Variants in KIAA1217 observed in about 807,000 individuals in gnomAD.
KIAA1217 encodes KIAA1217.
A neutral mutation model predicts 163.9 loss-of-function variants in KIAA1217; 88 were observed. The ratio of observed to expected loss-of-function variants is 0.54; its 90% CI spans 0.45 to 0.64. The LOEUF (loss-of-function observed/expected upper bound fraction) is 0.64, where lower values mean the gene tolerates loss of function less well. Among genes scored for constraint, KIAA1217 ranks in the 30% least tolerant of loss-of-function variants. The probability of loss-of-function intolerance (pLI) is 0.00; values close to 1 mark genes in which losing one functional copy is unlikely to be tolerated. For missense variants in KIAA1217, 2,372 were observed against 2,475.0 expected, an observed-to-expected ratio of 0.96 and a Z score of 0.88; for synonymous variants, 903 against 923.1, an observed-to-expected ratio of 0.98 and a Z score of 0.39.
At chr10:24,321,094 G>A (rs1389942930) in intron 2 of KIAA1217, among the ~76,000 whole-genome samples, 2 of 151,620 alleles carry the variant, frequency 1.3e-5, no homozygotes. Flanking sequence ...CAGCTGCCAT[G>A]GAAAACAGTG....
intron 9 of KIAA1217, 72 bp downstream of exon 9, chr10:24,501,617 C>A (rs2067596605): frequency 1.4e-6 from 2 of 1,395,068 alleles, no homozygotes; most frequent in South Asian, 1.3e-5. Context: ...CCTAGGGGCT[C>A]CGTGAAGACC....
intron 2 of KIAA1217, among the ~76,000 whole-genome samples, chr10:24,364,707 A>G (rs1338717251): frequency 2.0e-5 from 3 of 152,114 alleles, no homozygotes; most frequent in Non-Finnish European, 4.4e-5. Flanking sequence ...GGTTTGCTCC[A>G]CAGTTCGGAG....
intron 1 of KIAA1217, among the ~76,000 whole-genome samples, chr10:23,857,277 A>G (rs1359606588): frequency 6.6e-6 from 1 of 152,170 alleles, no homozygotes. Flanking sequence ...TATTCCTCAG[A>G]CTATGAGGGA....
intron 2 of KIAA1217, among the ~76,000 whole-genome samples, chr10:24,091,568 G>T (rs962095794): frequency 3.3e-5 from 5 of 151,840 alleles, no homozygotes; most frequent in African/African-American, 9.7e-5. Context: ...TGAGCATGCT[G>T]CTTGTCCCCA....
chr10:24,052,719 G>C (rs1416297130), intron 2 of KIAA1217, among the ~76,000 whole-genome samples: 1 of 152,106 alleles, frequency 6.6e-6, no homozygotes, highest in Non-Finnish European at 1.5e-5. Context: ...ATAGATGAAA[G>C]AGTATGTGAT....
chr10:23,794,988 G>A (rs1836130637), intron 1 of KIAA1217, among the ~76,000 whole-genome samples: 1 of 152,180 alleles, frequency 6.6e-6, no homozygotes, highest in East Asian at 1.9e-4. Flanking sequence ...GGAGAGCTGG[G>A]AAGCCCCAGG....
chr10:24,443,040 A>G (rs2060629946), intron 5 of KIAA1217, among the ~76,000 whole-genome samples: 1 of 151,530 alleles, frequency 6.6e-6, no homozygotes, highest in East Asian at 1.9e-4. Flanking sequence ...CCTACTGAGT[A>G]GCTGGGATTA....
At chr10:23,975,838 A>G (rs910828020) in intron 1 of KIAA1217, among the ~76,000 whole-genome samples, 1 of 152,088 alleles carries the variant, frequency 6.6e-6, no homozygotes, top group Non-Finnish European at 1.5e-5. Flanking sequence ...GACATGAATT[A>G]TTTATCTAGA....
At chr10:23,891,077 A>T (rs1841397496) in intron 1 of KIAA1217, among the ~76,000 whole-genome samples, 1 of 151,958 alleles carries the variant, frequency 6.6e-6, no homozygotes, top group African/African-American at 2.4e-5. Context: ...GACTGTTCAC[A>T]TGAAAAGCTT....
At chr10:24,352,457 T>C (rs2048570177) in intron 2 of KIAA1217, among the ~76,000 whole-genome samples, 1 of 152,242 alleles carries the variant, frequency 6.6e-6, no homozygotes, top group Non-Finnish European at 1.5e-5. Context: ...CTGCCTATTA[T>C]AGATTATGGT....
At chr10:23,875,606 C>A (rs1840652372) in intron 1 of KIAA1217, among the ~76,000 whole-genome samples, 1 of 151,930 alleles carries the variant, frequency 6.6e-6, no homozygotes, top group Non-Finnish European at 1.5e-5. Flanking sequence ...GGGGATATAC[C>A]CAAATGATTA....
intron 2 of KIAA1217, among the ~76,000 whole-genome samples, chr10:24,152,419 G>A (rs181261421): frequency 1.8e-4 from 27 of 152,088 alleles, no homozygotes; most frequent in African/African-American, 4.3e-4. Context: ...AAACCTTTCC[G>A]TGTGAATCAG....
chr10:24,260,875 T>C (rs1448355224), intron 2 of KIAA1217, among the ~76,000 whole-genome samples: 2 of 152,200 alleles, frequency 1.3e-5, no homozygotes, highest in Non-Finnish European at 1.5e-5. Flanking sequence ...TTATCTTGTT[T>C]CCCCTGTTCT....
chr10:24,317,575 A>G (rs1167105943), intron 2 of KIAA1217, among the ~76,000 whole-genome samples: 2 of 152,176 alleles, frequency 1.3e-5, no homozygotes, highest in Admixed American at 1.3e-4. Context: ...AAGATCTAAG[A>G]AATGTAGTGT....
intron 1 of KIAA1217, among the ~76,000 whole-genome samples, chr10:23,822,485 T>A (rs1837667485): frequency 6.6e-6 from 1 of 152,156 alleles, no homozygotes; most frequent in Admixed American, 6.5e-5. Flanking sequence ...ATTTGCAAAA[T>A]TGATATTTGT....
intron 2 of KIAA1217, among the ~76,000 whole-genome samples, chr10:24,293,880 G>A (rs1446381187): frequency 6.6e-6 from 1 of 152,162 alleles, no homozygotes; most frequent in East Asian, 1.9e-4. Flanking sequence ...CTGGCATGAA[G>A]GTCTCCGACC....
Position 24,547,808 on chromosome 10 carries a change from C to T in KIAA1217, c.*1484C>T, listed in dbSNP as rs372571234. On this transcript the variant is annotated 3_prime_UTR_variant, in exon 21 of 21. Coordinates refer to ENST00000376454, the MANE Select transcript of KIAA1217 (RefSeq NM_019590.5). The stretch of plus-strand genomic sequence containing the variant: ...ATTTTCTCTCTTTTTAAAAAACTTC[C>T]AGTAGAAGTAAAGTGGAAATAAAAT... 2 of 152,078 alleles carry T rather than the reference C, an allele frequency of 1.3e-5. No homozygotes were observed. Among genetic ancestry groups the T allele is most frequent in the East Asian group, 1.9e-4 (1 of 5,196 alleles). The allele number at this position is 152,078 out of a possible 1,614,324, so 9.4% of individuals were successfully genotyped here. A position where few individuals can be genotyped will look rare whatever the true frequency, so the allele number is the denominator to read the frequency against.
chr10:24,533,268 C>G (rs758805313), intron 16 of KIAA1217, 31 bp downstream of exon 16: 4 of 1,577,150 alleles, frequency 2.5e-6, no homozygotes, highest in Non-Finnish European at 3.5e-6. Flanking sequence ...ACATTGGCTC[C>G]TTGCCTCCCG....
chr10:24,030,661 C>T (rs896269223), intron 2 of KIAA1217, among the ~76,000 whole-genome samples: 2 of 152,114 alleles, frequency 1.3e-5, no homozygotes, highest in African/African-American at 2.4e-5. Context: ...TCATTAAACA[C>T]GAACTCCTCA....
Sources: allele counts gnomAD v4.1 joint callset (sites outside exome capture counted in the v4.1 genomes callset), GRCh38; gene constraint gnomAD v4.1.1; transcripts MANE v1.5; gene names NCBI Gene and HGNC (gene_info 2026-07-23, HGNC 2026-07-21).